The following TXNDC15 variants were observed in gnomAD, a reference collection of about 807,000 sequenced individuals.
TXNDC15 encodes the protein thioredoxin domain-containing protein 15.
In TXNDC15, 24 loss-of-function variants were observed where a neutral mutation model predicts 35.0. The observed-to-expected ratio is 0.68, with a 90% CI of 0.50 to 0.96. TXNDC15 has a LOEUF of 0.96. Ranked by LOEUF, TXNDC15 falls within the 40% of genes least tolerant of loss-of-function variation. The probability of loss-of-function intolerance (pLI) is 0.00; values close to 1 mark genes in which losing one functional copy is unlikely to be tolerated. For synonymous variants in TXNDC15, 169 were observed against 174.0 expected, an observed-to-expected ratio of 0.97 and a Z score of 0.23; for missense variants, 385 against 453.3, an observed-to-expected ratio of 0.85 and a Z score of 1.37.
In TXNDC15 at chr5:134,888,072, A is replaced by C; in HGVS notation, c.481A>C (p.Thr161Pro). 1 of 1,614,234 alleles carries C rather than the reference A, an allele frequency of 6.2e-7. No individual in the cohort carries two copies. Among genetic ancestry groups the C allele is most frequent in the Non-Finnish European group, 8.5e-7 (1 of 1,180,040 alleles). ...PEVAESDAAP[T>P]EDSNNTESLK... ...AGTGGCGGAATCTGACGCAGCCCCGACAGAGGACTCCAATAACACTGAAAG... is the reference window on the plus strand; with the variant it reads ...AGTGGCGGAATCTGACGCAGCCCCGCCAGAGGACTCCAATAACACTGAAAG... Residue 161 changes from threonine to proline, a missense_variant, in exon 2 of 5, where the codon ACA (threonine) becomes CCA (proline). Transcript: ENST00000358387.
chr5:134,883,213 T>C (rs1750195919), intron 1 of TXNDC15, among the ~76,000 whole-genome samples: 5 of 150,650 alleles, frequency 3.3e-5, no homozygotes, highest in African/African-American at 9.8e-5. Context: ...GATCACGAGG[T>C]CAGGAGTTCC....
Position 134,887,732 on chromosome 5 carries a change from G to A in TXNDC15, c.141G>A (p.Gln47=). Residue 47 remains glutamine (Q), a synonymous_variant, in exon 2 of 5, where the codon CAG becomes CAA. Transcript: ENST00000358387. ...EESGRLWSEE[Q]PAHPLQVGAV... is the part of the protein sequence containing the mutation. Reference sequence around the variant, plus strand: ...GTGGTCGCTTATGGTCAGAGGAGCAGCCTGCTCACCCTCTCCAGGTGGGGG... The same window carrying A: ...GTGGTCGCTTATGGTCAGAGGAGCAACCTGCTCACCCTCTCCAGGTGGGGG... The A allele has an allele frequency of 6.2e-7, 1 of 1,607,368 alleles. No homozygotes were observed. Among genetic ancestry groups the A allele is most frequent in the Non-Finnish European group, 8.5e-7 (1 of 1,175,098 alleles).
intron 2 of TXNDC15, among the ~76,000 whole-genome samples, chr5:134,890,739 C>G (rs1354523987): frequency 6.6e-6 from 1 of 152,194 alleles, no homozygotes; most frequent in Non-Finnish European, 1.5e-5. Flanking sequence ...ATTCCTTTCA[C>G]GAAAGAATTC....
intron 1 of TXNDC15, among the ~76,000 whole-genome samples, chr5:134,877,919 C>T (rs368866355): frequency 1.0e-3 from 156 of 152,128 alleles, no homozygotes; most frequent in African/African-American, 3.5e-3. Context: ...ATTACAGGCA[C>T]CCGTCACTAC....
At chr5:134,875,039 A>G in intron 1 of TXNDC15, 1 of 427,718 alleles carries the variant, frequency 2.3e-6, no homozygotes, top group Non-Finnish European at 4.7e-6. Context: ...CGCTTCTGAT[A>G]CGTGGCAGAA....
At position 134,874,425 on chromosome 5, in the gene TXNDC15, GC is replaced by G; in HGVS notation, c.-2del. The G allele has an allele frequency of 6.3e-7, 1 of 1,597,294 alleles. No individual in the cohort carries two copies. Among genetic ancestry groups the G allele is most frequent in the Non-Finnish European group, 8.5e-7 (1 of 1,175,662 alleles). On this transcript the variant is annotated 5_prime_UTR_variant, in exon 1 of 5. Transcript: ENST00000358387. ...GTGCGCCGATTGCCTCTCGGCCTGGGCAATGGTCCCGGCTGCCGGTCGACGA... is the reference window on the plus strand; with the variant it reads ...GTGCGCCGATTGCCTCTCGGCCTGGGAATGGTCCCGGCTGCCGGTCGACGA...
chr5:134,894,332 G>T (rs1366684903), intron 3 of TXNDC15, among the ~76,000 whole-genome samples: 1 of 151,002 alleles, frequency 6.6e-6, no homozygotes, highest in Admixed American at 6.6e-5. Context: ...AGGACTACAG[G>T]CATGCGCCAC....
At chr5:134,884,118 G>C (rs1204817847) in intron 1 of TXNDC15, among the ~76,000 whole-genome samples, 1 of 150,362 alleles carries the variant, frequency 6.7e-6, no homozygotes, top group East Asian at 2.0e-4. Flanking sequence ...TACTTGGGAG[G>C]CTGAGGCAGG....
At chr5:134,875,439 G>C (rs974366101) in intron 1 of TXNDC15, 1 of 455,780 alleles carries the variant, frequency 2.2e-6, no homozygotes, top group African/African-American at 2.0e-5. Flanking sequence ...AGCGCTCACT[G>C]TGTACCAGAT....
chr5:134,890,217 T>G (rs958034527), intron 2 of TXNDC15, among the ~76,000 whole-genome samples: 1 of 151,582 alleles, frequency 6.6e-6, no homozygotes, highest in Non-Finnish European at 1.5e-5. Context: ...TTTTTTTTTG[T>G]AGAGATGAGG....
chr5:134,885,843 A>G (rs977674100), intron 1 of TXNDC15, among the ~76,000 whole-genome samples: 1 of 149,872 alleles, frequency 6.7e-6, no homozygotes, highest in Non-Finnish European at 1.5e-5. Context: ...TGTTTTATAT[A>G]TATTATCTAT....
intron 1 of TXNDC15, among the ~76,000 whole-genome samples, chr5:134,876,534 C>T (rs1473785272): frequency 1.3e-5 from 2 of 152,140 alleles, no homozygotes; most frequent in Non-Finnish European, 2.9e-5. Flanking sequence ...TTTCTCTGCA[C>T]CCAGCCTACA....
At chr5:134,893,872 CTGTG>C (rs1750438354) in intron 3 of TXNDC15, among the ~76,000 whole-genome samples, 1 of 152,090 alleles carries the variant, frequency 6.6e-6, no homozygotes, top group Non-Finnish European at 1.5e-5. Flanking sequence ...GGGCTGTTCT[CTGTG>C]TGGTGGATTT....
upstream of TXNDC15, chr5:134,874,256 CAGCGGCT>C: frequency 1.7e-6 from 1 of 574,742 alleles, no homozygotes. Flanking sequence ...CGCCGACGGC[CAGCGGCT>C]AGAGGCCGTC....
At chr5:134,896,702 G>GGT (rs1750496110) in intron 4 of TXNDC15, among the ~76,000 whole-genome samples, 1 of 145,486 alleles carries the variant, frequency 6.9e-6, no homozygotes, top group Non-Finnish European at 1.5e-5. Context: ...GGGGTGCAGT[G>GGT]GTGCGATCTT....
intron 2 of TXNDC15, among the ~76,000 whole-genome samples, chr5:134,890,294 C>T (rs932790360): frequency 2.0e-5 from 3 of 152,062 alleles, no homozygotes; most frequent in Non-Finnish European, 4.4e-5. Flanking sequence ...CTTGGCCCCT[C>T]AAAGTGTTGT....
intron 1 of TXNDC15, chr5:134,875,014 C>G (rs1405848274): frequency 3.0e-5 from 12 of 402,686 alleles, no homozygotes; most frequent in Non-Finnish European, 5.9e-5. Context: ...GATGCTCAGG[C>G]CCCGCCTAAG....
chr5:134,889,097 GCATCCACTC>G (rs1214306967), intron 2 of TXNDC15, among the ~76,000 whole-genome samples: 2 of 152,244 alleles, frequency 1.3e-5, no homozygotes, highest in South Asian at 2.1e-4. Flanking sequence ...CGCTGGCTTT[GCATCCACTC>G]CTGAGTGCCT....
At chr5:134,893,392 G>A (rs866152539) in intron 2 of TXNDC15, 100 bp from the exon 3 acceptor site, 86 of 1,443,912 alleles carry the variant, frequency 6.0e-5, no homozygotes, top group Middle Eastern at 3.6e-4. Context: ...CTACCCACCC[G>A]TTCCTCTCCC....
Sources: allele counts gnomAD v4.1 joint callset (sites outside exome capture counted in the v4.1 genomes callset), GRCh38; gene constraint gnomAD v4.1.1; transcripts MANE v1.5; gene names NCBI Gene and HGNC (gene_info 2026-07-23, HGNC 2026-07-21).